Variants in RNF38 observed in about 807,000 individuals in gnomAD.
The protein encoded by RNF38 is ring finger protein 38.
A neutral mutation model predicts 67.2 loss-of-function variants in RNF38; 15 were observed. The observed-to-expected ratio is 0.22, with a 90% CI of 0.15 to 0.34. RNF38 has a LOEUF of 0.34. RNF38 is among the 10% of genes least tolerant of loss of function. The pLI is 1.00. For missense variants in RNF38, 524 were observed against 639.9 expected (o/e 0.82, Z 1.95); for synonymous variants, 220 against 218.8 (o/e 1.01, Z -0.05).
intron 3 of RNF38, among the ~76,000 whole-genome samples, chr9:36,374,762 G>A (rs1035983013): frequency 6.6e-5 from 10 of 152,180 alleles, no homozygotes; most frequent in Admixed American, 2.6e-4. Flanking sequence ...GATAACAGGC[G>A]TGAGCCACCC....
intron 1 of RNF38, among the ~76,000 whole-genome samples, chr9:36,399,481 A>G (rs1837819446): frequency 1.2e-5 from 1 of 83,866 alleles, no homozygotes; most frequent in African/African-American, 4.4e-5. Context: ...ATACCATATT[A>G]TAAATATATA....
At chr9:36,369,618 T>TA (rs1835225274) in intron 4 of RNF38, 101 bp downstream of exon 4, 6 of 898,598 alleles carry the variant, frequency 6.7e-6, no homozygotes, top group Admixed American at 2.8e-5. Context: ...TCATTTTAGG[T>TA]AAAAACTAAA....
upstream of RNF38, among the ~76,000 whole-genome samples, chr9:36,405,751 G>A (rs1256080697): frequency 2.1e-5 from 2 of 94,436 alleles, no homozygotes; most frequent in African/African-American, 5.8e-5. Context: ...ATATAAGAAA[G>A]ATCTCATTCT....
At chr9:36,412,416 A>G (rs1488315120) in intron 2 of RNF38, among the ~76,000 whole-genome samples, 2 of 152,196 alleles carry the variant, frequency 1.3e-5, no homozygotes, top group African/African-American at 4.8e-5. Context: ...GCAGCTAACT[A>G]CCCAATTACT....
intron 1 of RNF38, among the ~76,000 whole-genome samples, chr9:36,467,244 TAC>T (rs966182551): frequency 1.5e-4 from 13 of 87,710 alleles, no homozygotes; most frequent in Non-Finnish European, 1.9e-4. Flanking sequence ...TATATATATA[TAC>T]ACACACACAC....
intron 1 of RNF38, among the ~76,000 whole-genome samples, chr9:36,395,694 ACT>A (rs1837463194): frequency 6.6e-6 from 1 of 152,228 alleles, no homozygotes; most frequent in Non-Finnish European, 1.5e-5. Context: ...TAATATTTAA[ACT>A]GACAAATTAT....
intron 2 of RNF38, among the ~76,000 whole-genome samples, chr9:36,418,116 C>G (rs1838521926): frequency 6.6e-6 from 1 of 150,608 alleles, no homozygotes; most frequent in Non-Finnish European, 1.5e-5. Context: ...GGCTTGATCT[C>G]CATGCAACCT....
At chr9:36,450,221 A>C (rs1839404594) in intron 1 of RNF38, among the ~76,000 whole-genome samples, 1 of 152,068 alleles carries the variant, frequency 6.6e-6, no homozygotes. Flanking sequence ...CCCCAACAAA[A>C]ACCCTGTACC....
At chr9:36,342,481 G>C in intron 10 of RNF38, 57 bp from the exon 11 acceptor site, 1 of 1,060,908 alleles carries the variant, frequency 9.4e-7, no homozygotes, top group Non-Finnish European at 1.5e-6. Flanking sequence ...CTATTGTTAT[G>C]ACTACTGAAA....
At chr9:36,461,861 C>A (rs1194093457) in intron 1 of RNF38, among the ~76,000 whole-genome samples, 1 of 152,054 alleles carries the variant, frequency 6.6e-6, no homozygotes, top group Non-Finnish European at 1.5e-5. Flanking sequence ...AGTATGAACT[C>A]CCTATAAAAT....
At chr9:36,477,002 G>A (rs954338541) in intron 1 of RNF38, among the ~76,000 whole-genome samples, 7 of 152,014 alleles carry the variant, frequency 4.6e-5, no homozygotes, top group Non-Finnish European at 8.8e-5. Context: ...TCCTGAGAAT[G>A]GACTCCTGAA....
chr9:36,363,873 A>AT (rs558655028), intron 4 of RNF38, among the ~76,000 whole-genome samples: 2,855 of 76,286 alleles, frequency 0.037, 596 homozygotes, highest in African/African-American at 0.083. Context: ...TTATATGCAG[A>AT]TTTTTTTTTT....
At chr9:36,447,882 G>A (rs1229053684) in intron 1 of RNF38, among the ~76,000 whole-genome samples, 1 of 152,154 alleles carries the variant, frequency 6.6e-6, no homozygotes, top group Non-Finnish European at 1.5e-5. Context: ...TTCATAATTG[G>A]GTTTTGTTTT....
chr9:36,370,293 G>A lies in RNF38; in HGVS notation c.357-361C>T, dbSNP rs150241180. On this transcript the variant is annotated intron_variant, in intron 3 of 11. Transcript: ENST00000259605. ...CCCTTTTTAAATATTATAATAAAAC[G>A]AACTTTAATCTGTAGATACCTTGTC... Among the ~76,000 whole-genome samples the A allele has an allele frequency of 4.6e-3, 692 of 152,012 alleles. 9 individuals are homozygous for A. The highest frequency in any genetic ancestry group is 0.016 in the African/African-American group (654 of 41,470).
upstream of RNF38, among the ~76,000 whole-genome samples, chr9:36,403,769 T>C (rs1377757012): frequency 6.6e-6 from 1 of 152,230 alleles, no homozygotes; most frequent in Non-Finnish European, 1.5e-5. Context: ...AAAAACTGCA[T>C]AGGATTTTAG....
intron 1 of RNF38, among the ~76,000 whole-genome samples, chr9:36,430,714 T>A (rs865831988): frequency 1.3e-5 from 2 of 152,130 alleles, no homozygotes; most frequent in South Asian, 2.1e-4. Context: ...TCCATTTGAA[T>A]GGAAATATGA....
At chr9:36,363,097 C>T (rs1278707764) in intron 4 of RNF38, among the ~76,000 whole-genome samples, 2 of 99,268 alleles carry the variant, frequency 2.0e-5, no homozygotes, top group African/African-American at 6.0e-5. Context: ...CCTTATCTAC[C>T]TATGTATCTA....
intron 1 of RNF38, among the ~76,000 whole-genome samples, chr9:36,467,258 C>CAT (rs147432912): frequency 7.9e-6 from 1 of 126,148 alleles, no homozygotes; most frequent in Non-Finnish European, 1.6e-5. Flanking sequence ...CACACACACA[C>CAT]ATATACACAC....
chr9:36,348,833 G>GA (rs1394051052), intron 9 of RNF38, among the ~76,000 whole-genome samples: 1 of 152,214 alleles, frequency 6.6e-6, no homozygotes, highest in Non-Finnish European at 1.5e-5. Context: ...GATCATTGAT[G>GA]AAAGTGAATA....
Sources: allele counts gnomAD v4.1 joint callset (sites outside exome capture counted in the v4.1 genomes callset), GRCh38; gene constraint gnomAD v4.1.1; transcripts MANE v1.5; gene names NCBI Gene and HGNC (gene_info 2026-07-23, HGNC 2026-07-21).